Variants in DYNLL1 observed in about 807,000 individuals in gnomAD.
The protein encoded by DYNLL1 is dynein light chain LC8-type 1.
DYNLL1 carries 3 observed loss-of-function variants against 10.1 expected under a neutral mutation model. That is an observed-to-expected ratio of 0.30 (90% CI 0.14 to 0.77). The LOEUF is 0.77. Among genes scored for constraint, DYNLL1 ranks in the 30% least tolerant of loss-of-function variants. The pLI is 0.66. For synonymous variants in DYNLL1, 46 were observed against 41.2 expected (o/e 1.12, Z -0.45); for missense variants, 47 against 111.7 (o/e 0.42, Z 2.61).
intron 2 of DYNLL1, 85 bp downstream of exon 2, chr12:120,496,638 G>A: frequency 1.9e-6 from 3 of 1,610,774 alleles, no homozygotes; most frequent in Non-Finnish European, 2.5e-6. Flanking sequence ...GCGCCTGACA[G>A]GTCCCGGGAA....
chr12:120,471,259 G>A (rs1434955685), intron 1 of DYNLL1, among the ~76,000 whole-genome samples: 1 of 151,076 alleles, frequency 6.6e-6, no homozygotes, highest in Non-Finnish European at 1.5e-5. Context: ...TGTAGTCCCA[G>A]CTGCTTGGGA....
chr12:120,496,010 G>T, upstream of DYNLL1: 1 of 294,454 alleles, frequency 3.4e-6, no homozygotes, highest in Admixed American at 4.9e-5. Flanking sequence ...GAAGAATGCC[G>T]TGGGCTGCGT....
rs549946006 is a variant in DYNLL1, at chr12:120,474,278, C to T, written c.-7+4174C>T. Among the ~76,000 whole-genome samples, 23 of 152,150 alleles carry T rather than the reference C, an allele frequency of 1.5e-4. No individual in the cohort carries two copies. In the South Asian group the frequency reaches 2.1e-3, roughly 14 times the overall value. ...TTGCACCGCTGCACTCCAGCCTGGG[C>T]GACAGAGTGAGATCCTGTTACAGAA... On this transcript the variant is annotated intron_variant, in intron 1 of 2. Coordinates refer to the DYNLL1 transcript ENST00000392509.
upstream of DYNLL1, among the ~76,000 whole-genome samples, chr12:120,494,493 C>T (rs1164867434): frequency 6.6e-6 from 1 of 151,994 alleles, no homozygotes; most frequent in Non-Finnish European, 1.5e-5. Flanking sequence ...TCAGGCTGGT[C>T]TCAAACTCCT....
At chr12:120,473,701 A>C (rs1411111816) in intron 1 of DYNLL1, among the ~76,000 whole-genome samples, 1 of 151,258 alleles carries the variant, frequency 6.6e-6, no homozygotes, top group Non-Finnish European at 1.5e-5. Context: ...TCAAAAAAAA[A>C]AAAAAAAAAA....
intron 2 of DYNLL1, 125 bp from the exon 3 acceptor site, chr12:120,497,948 T>G (rs1868511563): frequency 5.3e-6 from 5 of 938,892 alleles, no homozygotes; most frequent in Admixed American, 2.9e-5. Flanking sequence ...GAACATTCTT[T>G]CATTCTAAGA....
intron 1 of DYNLL1, among the ~76,000 whole-genome samples, chr12:120,484,026 A>C (rs1456819064): frequency 6.6e-6 from 1 of 152,102 alleles, no homozygotes; most frequent in East Asian, 1.9e-4. Context: ...GTGTGGGTGC[A>C]GTGGATTAAA....
chr12:120,498,277 T>C lies in DYNLL1; in HGVS notation c.*67T>C. ...CAAGGACTGCAGCCTAAATTCCAAATACCAGAGACTGAAATTTTCAGCCTT... is the reference window on the plus strand; with the variant it reads ...CAAGGACTGCAGCCTAAATTCCAAACACCAGAGACTGAAATTTTCAGCCTT... On this transcript the variant is annotated 3_prime_UTR_variant, in exon 3 of 3. Transcript: ENST00000242577. 6.5e-7 allele frequency: 1 copy of C among 1,541,948 alleles called. No homozygotes were observed. Among genetic ancestry groups the C allele is most frequent in the Non-Finnish European group, 8.7e-7 (1 of 1,151,764 alleles).
At chr12:120,482,035 C>T (rs1442129636) in intron 1 of DYNLL1, among the ~76,000 whole-genome samples, 1 of 152,068 alleles carries the variant, frequency 6.6e-6, no homozygotes, top group Non-Finnish European at 1.5e-5. Context: ...ATATATCTTT[C>T]GTCTGTTTAA....
intron 1 of DYNLL1, chr12:120,470,240 G>C (rs1026690879): frequency 2.0e-5 from 3 of 152,286 alleles, no homozygotes; most frequent in Non-Finnish European, 2.9e-5. Context: ...GAGTATCACA[G>C]CGATCACTAT....
chr12:120,486,114 GAGTTTGAGAACAGCTGC>G (rs1878988628), intron 1 of DYNLL1, among the ~76,000 whole-genome samples: 1 of 152,176 alleles, frequency 6.6e-6, no homozygotes, highest in African/African-American at 2.4e-5. Context: ...CTGTGACATT[GAGTTTGAGAACAGCTGC>G]AGTTGGCTGC....
chr12:120,497,928 T>C (rs1868510110), intron 2 of DYNLL1, 145 bp from the exon 3 acceptor site: 1 of 781,698 alleles, frequency 1.3e-6, no homozygotes, highest in Non-Finnish European at 2.0e-6. Flanking sequence ...GTAGGCGGCT[T>C]GGAGCTGGGG....
intron 1 of DYNLL1, among the ~76,000 whole-genome samples, chr12:120,474,767 A>C (rs545995691): frequency 1.3e-5 from 2 of 152,202 alleles, no homozygotes; most frequent in Admixed American, 1.3e-4. Flanking sequence ...GTGGGCAGAG[A>C]GGAAGTGATG....
chr12:120,477,753 T>C (rs1030566796), intron 1 of DYNLL1, among the ~76,000 whole-genome samples: 12 of 151,994 alleles, frequency 7.9e-5, no homozygotes, highest in Non-Finnish European at 1.6e-4. Context: ...CCAGCCTGGG[T>C]GACAGAGCAA....
At chr12:120,490,964 C>G (rs1191974185) in intron 1 of DYNLL1, 5 of 152,414 alleles carry the variant, frequency 3.3e-5, no homozygotes, top group Admixed American at 3.3e-4. Flanking sequence ...CACATTGTCC[C>G]TGAGAAACAA....
At chr12:120,483,098 G>C (rs111660594) in intron 1 of DYNLL1, among the ~76,000 whole-genome samples, 1,698 of 152,150 alleles carry the variant, frequency 0.011, 33 homozygotes, top group African/African-American at 0.038. Context: ...CCAGCACTTT[G>C]GGAGTCTGAG....
At chr12:120,482,939 G>T (rs1404327434) in intron 1 of DYNLL1, among the ~76,000 whole-genome samples, 3 of 151,998 alleles carry the variant, frequency 2.0e-5, no homozygotes, top group Non-Finnish European at 4.4e-5. Flanking sequence ...ATTTAGCCAG[G>T]CATCGGTGGC....
chr12:120,488,434 C>G (rs561559941), intron 1 of DYNLL1: 2 of 152,368 alleles, frequency 1.3e-5, no homozygotes, highest in Admixed American at 1.3e-4. Context: ...CTCACACCAG[C>G]CTATCTTTCT....
At chr12:120,474,856 G>A (rs1421458068) in intron 1 of DYNLL1, among the ~76,000 whole-genome samples, 1 of 152,190 alleles carries the variant, frequency 6.6e-6, no homozygotes, top group African/African-American at 2.4e-5. Context: ...TGGGAAACGT[G>A]TTCCTGGTCA....
Sources: gnomAD v4.1 joint callset for allele counts (sites outside exome capture counted in the v4.1 genomes callset) on GRCh38, gnomAD v4.1.1 for gene constraint, MANE v1.5 for transcripts, NCBI Gene and HGNC (gene_info 2026-07-23, HGNC 2026-07-21) for gene names.